Variants in TRPM7 observed in about 807,000 individuals in gnomAD.
The protein encoded by TRPM7 is transient receptor potential cation channel subfamily M member 7, also known as LTRPC ion channel family member 7.
Under a neutral mutation model 229.7 loss-of-function variants are expected in TRPM7, and 134 were observed. That is an observed-to-expected ratio of 0.58 (90% CI 0.51 to 0.67). TRPM7 has a LOEUF of 0.67. TRPM7 is among the 30% of genes least tolerant of loss of function. The pLI is 0.00. For synonymous variants in TRPM7, 699 were observed against 715.2 expected (o/e 0.98, Z 0.36); for missense variants, 1,901 against 2,210.0 (o/e 0.86, Z 2.80).
At chr15:50,608,895 G>C (rs1399247609) in intron 19 of TRPM7, among the ~76,000 whole-genome samples, 1 of 152,188 alleles carries the variant, frequency 6.6e-6, no homozygotes, top group Non-Finnish European at 1.5e-5. Context: ...CATTGCTAGG[G>C]AAAGTAGCAC....
chr15:50,592,844 T>C (rs1488597513), intron 25 of TRPM7, among the ~76,000 whole-genome samples: 1 of 152,186 alleles, frequency 6.6e-6, no homozygotes, highest in Non-Finnish European at 1.5e-5. Context: ...CAAAAAACGT[T>C]TTTGTTCCAC....
chr15:50,583,107 G>C lies in TRPM7; in HGVS notation c.4539C>G (p.Ser1513=). ...TACAAACCGGTATTAAAGCTGCTTT[G>C]GAATCTACTTCATGAGTGTCTTCGG... is the stretch of plus-strand genomic sequence containing the variant. ...PSTEDTHEVD[S]KAALIPDWLQ... The change falls in exon 29 of 39, where the codon TCC becomes TCG. Residue 1513 remains serine (S), a synonymous_variant. Coordinates refer to ENST00000646667, the MANE Select transcript of TRPM7 (RefSeq NM_017672.6). The C allele has an allele frequency of 1.2e-6, 2 of 1,605,884 alleles. No individual in the cohort carries two copies. Among genetic ancestry groups the C allele is most frequent in the Non-Finnish European group, 1.7e-6 (2 of 1,177,030 alleles).
intron 2 of TRPM7, among the ~76,000 whole-genome samples, chr15:50,658,165 C>T (rs537570724): frequency 5.9e-5 from 9 of 152,068 alleles, no homozygotes; most frequent in South Asian, 4.2e-4. Flanking sequence ...CCACCATGCC[C>T]GGCTAATTTT....
chr15:50,566,720 C>T (rs1482654004), intron 38 of TRPM7, among the ~76,000 whole-genome samples: 1 of 151,278 alleles, frequency 6.6e-6, no homozygotes, highest in Non-Finnish European at 1.5e-5. Context: ...AATAAAGATC[C>T]GAGAATCAAT....
intron 2 of TRPM7, among the ~76,000 whole-genome samples, chr15:50,659,012 C>T (rs1191588059): frequency 3.9e-5 from 6 of 152,034 alleles, no homozygotes; most frequent in African/African-American, 1.4e-4. Context: ...TCCTGGCTAA[C>T]GCAGTGAAAC....
At chr15:50,601,445 C>T (rs746341433) in intron 21 of TRPM7, among the ~76,000 whole-genome samples, 34 of 152,040 alleles carry the variant, frequency 2.2e-4, no homozygotes, top group Non-Finnish European at 4.4e-5. Flanking sequence ...GGTGTGAGAC[C>T]AGCCTGGCCA....
At chr15:50,671,400 T>C (rs2061984368) in intron 1 of TRPM7, among the ~76,000 whole-genome samples, 2 of 152,200 alleles carry the variant, frequency 1.3e-5, no homozygotes, top group Admixed American at 6.5e-5. Context: ...TTCTTTAAGA[T>C]TGAATGATAT....
At chr15:50,656,314 T>C (rs1023857293) in intron 3 of TRPM7, among the ~76,000 whole-genome samples, 6 of 152,038 alleles carry the variant, frequency 3.9e-5, no homozygotes, top group African/African-American at 1.4e-4. Context: ...TGTTTTTTTT[T>C]CTGGAGACAG....
At chr15:50,656,717 T>A (rs551217205) in intron 3 of TRPM7, among the ~76,000 whole-genome samples, 14 of 152,210 alleles carry the variant, frequency 9.2e-5, no homozygotes, top group African/African-American at 3.1e-4. Context: ...TCTATGTACT[T>A]TTATTCCTAG....
chr15:50,613,634 T>C, intron 15 of TRPM7, 73 bp downstream of exon 15: 1 of 1,306,146 alleles, frequency 7.7e-7, no homozygotes, highest in Non-Finnish European at 1.0e-6. Context: ...TAGTTTTTTT[T>C]GTTTAATAAT....
At position 50,560,401 on chromosome 15, in the gene TRPM7, T is replaced by TAGTTAA. The variant is rs2053266071; in HGVS notation, c.*1276_*1277insTTAACT. ...TTTCTTTCTCCCCACCCCCAATCAA[T>TAGTTAA]ATTAAACACTATTTAAACAGCTTAT... On this transcript the variant is annotated 3_prime_UTR_variant, in exon 39 of 39. Coordinates refer to ENST00000646667, the MANE Select transcript of TRPM7 (RefSeq NM_017672.6). 6.6e-6 allele frequency: 1 copy of TAGTTAA among 152,578 alleles called. No homozygotes were observed. Among genetic ancestry groups the TAGTTAA allele is most frequent in the Non-Finnish European group, 1.5e-5 (1 of 68,022 alleles). 9.5% of individuals were successfully genotyped at this position (152,578 alleles called of 1,614,324 possible). A position where few individuals can be genotyped will look rare whatever the true frequency, so the allele number is the denominator to read the frequency against.
intron 4 of TRPM7, among the ~76,000 whole-genome samples, chr15:50,645,504 G>GT (rs2061237495): frequency 6.6e-6 from 1 of 152,070 alleles, no homozygotes; most frequent in Admixed American, 6.6e-5. Context: ...GCTACTTTTT[G>GT]TATTTTTAGT....
In TRPM7 at chr15:50,643,343, T is replaced by G. The variant is rs2061162344; in HGVS notation, c.532A>C (p.Thr178Pro). 1.2e-6 allele frequency: 2 copies of G among 1,612,828 alleles called. No individual in the cohort carries two copies. Among genetic ancestry groups the G allele is most frequent in the Non-Finnish European group, 1.7e-6 (2 of 1,178,996 alleles). The change falls in exon 5 of 39, where the codon ACA (threonine) becomes CCA (proline). Residue 178 changes from threonine to proline, a missense_variant. Around this residue, in one of 8 missense-constraint regions of TRPM7, gnomAD observed 794 missense variants for 881.9 expected, o/e 0.90. Coordinates refer to ENST00000646667, the MANE Select transcript of TRPM7 (RefSeq NM_017672.6). ...ATTGGTATAATCATCACATTACCTG[T>G]GTTTACTCCTCCAGTTAAAATCCAG... ...GAWILTGGVN[T>P]GVAKHVGDAL...
At chr15:50,564,648 T>C (rs1439629861) in intron 38 of TRPM7, among the ~76,000 whole-genome samples, 1 of 152,148 alleles carries the variant, frequency 6.6e-6, no homozygotes, top group African/African-American at 2.4e-5. Context: ...TTTATCTCCA[T>C]ATAAAATATA....
At chr15:50,663,870 G>GGAGGATCGCCTAAGCCGAGGAGGCT (rs2061802203) in intron 1 of TRPM7, among the ~76,000 whole-genome samples, 1 of 152,208 alleles carries the variant, frequency 6.6e-6, no homozygotes, top group Admixed American at 6.6e-5. Flanking sequence ...GTCTGAGGCA[G>GGAGGATCGCCTAAGCCGAGGAGGCT]GAGGATCGCC....
intron 19 of TRPM7, among the ~76,000 whole-genome samples, chr15:50,608,233 A>G (rs528390967): frequency 3.3e-5 from 5 of 152,302 alleles, no homozygotes; most frequent in African/African-American, 1.2e-4. Context: ...TACTCTTTAC[A>G]AAACAGGTTA....
intron 15 of TRPM7, among the ~76,000 whole-genome samples, chr15:50,613,501 CAAA>C (rs67505794): frequency 0.037 from 2,338 of 62,652 alleles, 41 homozygotes; most frequent in African/African-American, 0.14. Context: ...ACTCCTGTCT[CAAA>C]AAAAAAAAAA....
rs2053193235 is a variant in TRPM7, at chr15:50,558,056, T to C, written c.*3622A>G. 6.6e-6 allele frequency: 1 copy of C among 152,168 alleles called. No individual in the cohort carries two copies. The highest frequency in any genetic ancestry group is 1.5e-5 in the Non-Finnish European group (1 of 68,036). The allele number at this position is 152,168 out of a possible 1,614,324, so 9.4% of individuals were successfully genotyped here. A position where few individuals can be genotyped will look rare whatever the true frequency, so the allele number is the denominator to read the frequency against. On this transcript the variant is annotated 3_prime_UTR_variant, in exon 39 of 39. Coordinates refer to ENST00000646667, the MANE Select transcript of TRPM7 (RefSeq NM_017672.6). ...CAAATGACACTTTCACATCATAGGG[T>C]AGTAATAATGAACTTTAATAATCTT...
At chr15:50,654,826 T>C (rs1484880094) in intron 3 of TRPM7, among the ~76,000 whole-genome samples, 2 of 124,964 alleles carry the variant, frequency 1.6e-5, no homozygotes, top group African/African-American at 5.3e-5. Flanking sequence ...TGAAACCCCA[T>C]CTCTACTAAA....
Sources: allele counts gnomAD v4.1 joint callset (sites outside exome capture counted in the v4.1 genomes callset), GRCh38; gene constraint gnomAD v4.1.1; regional missense constraint gnomAD v4.1.1; transcripts MANE v1.5; gene names NCBI Gene and HGNC (gene_info 2026-07-23, HGNC 2026-07-21).